RAC1: variants seen among roughly 807,000 people sequenced by gnomAD.
The protein encoded by RAC1 is ras-related C3 botulinum toxin substrate 1.
A neutral mutation model predicts 25.2 loss-of-function variants in RAC1; 2 were observed. The observed-to-expected ratio is 0.08, with a 90% CI of 0.03 to 0.25. RAC1 has a LOEUF of 0.25. Ranked by LOEUF, RAC1 falls within the 10% of genes least tolerant of loss-of-function variation. The probability of loss-of-function intolerance (pLI) is 1.00; values close to 1 mark genes in which losing one functional copy is unlikely to be tolerated. For missense variants in RAC1, 50 were observed against 235.7 expected, an observed-to-expected ratio of 0.21 and a Z score of 5.16; for synonymous variants, 88 against 94.0, an observed-to-expected ratio of 0.94 and a Z score of 0.37.
intron 3 of RAC1, among the ~76,000 whole-genome samples, chr7:6,397,806 G>T (rs1445683119): frequency 6.6e-6 from 1 of 152,122 alleles, no homozygotes; most frequent in Non-Finnish European, 1.5e-5. Context: ...TGGCCAACAT[G>T]GTGAAACCTG....
chr7:6,382,069 C>T (rs908781470), intron 1 of RAC1, among the ~76,000 whole-genome samples: 2 of 152,130 alleles, frequency 1.3e-5, no homozygotes, highest in African/African-American at 4.8e-5. Flanking sequence ...TCTCAGCTCA[C>T]TGCAACCTCT....
intron 2 of RAC1, among the ~76,000 whole-genome samples, chr7:6,390,920 C>T (rs911045453): frequency 2.0e-5 from 3 of 151,990 alleles, no homozygotes; most frequent in Non-Finnish European, 4.4e-5. Context: ...TTCTTGAGAC[C>T]GAGTTTCGCA....
At position 6,387,357 on chromosome 7, in the gene RAC1, T is replaced by C. The variant is rs1438902269; in HGVS notation, c.107+74T>C. ...ATTTCTTTGACCATTTGTTTTGCTG[T>C]AAAGCCATCTTTAATCCTCATATGA... On this transcript the variant is annotated intron_variant, in intron 2 of 5. Coordinates refer to ENST00000348035, the MANE Select transcript of RAC1 (RefSeq NM_006908.5). 2.0e-5 allele frequency: 22 copies of C among 1,098,148 alleles called. No individual in the cohort carries two copies. In the East Asian group the frequency reaches 4.1e-4, roughly 20 times the overall value. The allele number at this position is 1,098,148 out of a possible 1,614,324, so 68.0% of individuals were successfully genotyped here.
rs1240994553 is a variant in RAC1 at position 6,403,001 on chromosome 7, C to T, written c.*555C>T. The T allele has an allele frequency of 1.6e-5, 3 of 192,230 alleles. No homozygotes were observed. Among genetic ancestry groups the T allele is most frequent in the East Asian group, 8.2e-5 (1 of 12,162 alleles). The allele number at this position is 192,230 out of a possible 1,614,324, so 11.9% of individuals were successfully genotyped here. Reference sequence around the variant, plus strand: ...TAACATTGTACTGTAATGGAGTGAGCGTAGCAGCTCAGCTCTTTGGATCAG... The same window carrying T: ...TAACATTGTACTGTAATGGAGTGAGTGTAGCAGCTCAGCTCTTTGGATCAG... On this transcript the variant is annotated 3_prime_UTR_variant, in exon 6 of 6. Transcript: ENST00000348035.
intron 1 of RAC1, among the ~76,000 whole-genome samples, chr7:6,377,946 C>T (rs183241777): frequency 6.6e-6 from 1 of 152,074 alleles, no homozygotes; most frequent in Non-Finnish European, 1.5e-5. Flanking sequence ...TTCATCTGTT[C>T]CTGCTTTGAC....
At chr7:6,383,872 G>A (rs1437568506) in intron 1 of RAC1, among the ~76,000 whole-genome samples, 16 of 126,994 alleles carry the variant, frequency 1.3e-4, no homozygotes, top group Admixed American at 2.0e-4. Context: ...GCGCAATCTC[G>A]GCTCACTGCA....
In RAC1 at chr7:6,397,579, G is replaced by A. The variant is rs187054305; in HGVS notation, c.226-2547G>A. 5.3e-5 allele frequency among the ~76,000 whole-genome samples: 8 copies of A among 152,274 alleles called. No individual in the cohort carries two copies. In the South Asian group the frequency reaches 8.3e-4, roughly 16 times the overall value. ...AGGTGTTGGGATTAGAGGCGTGAGC[G>A]CTTTTCTTAAAAGAGTTCCAGGGTT... On this transcript the variant is annotated intron_variant, in intron 3 of 5. Coordinates refer to ENST00000348035, the MANE Select transcript of RAC1 (RefSeq NM_006908.5).
intron 1 of RAC1, 121 bp from the exon 2 acceptor site, chr7:6,387,091 A>G: frequency 4.9e-6 from 3 of 616,154 alleles, no homozygotes; most frequent in Admixed American, 3.4e-5. Flanking sequence ...CATTTTCTTT[A>G]ATGCTAAGTA....
In RAC1 at chr7:6,382,232, T is replaced by G. The variant is rs775350352; in HGVS notation, c.36-4980T>G. Among the ~76,000 whole-genome samples, 3 of 152,236 alleles carry G rather than the reference T, an allele frequency of 2.0e-5. No homozygotes were observed. The East Asian group carries it at 5.8e-4, about 29-fold the overall frequency. On this transcript the variant is annotated intron_variant, in intron 1 of 5. Transcript: ENST00000348035. ...CTGGTCTCGAACTCCTGGCCTGAAGTGATCCACCCGCCTTGGCCTCTTGCT... is the reference window on the plus strand; with the variant it reads ...CTGGTCTCGAACTCCTGGCCTGAAGGGATCCACCCGCCTTGGCCTCTTGCT...
intron 1 of RAC1, among the ~76,000 whole-genome samples, chr7:6,379,998 T>G (rs1039226156): frequency 6.6e-6 from 1 of 152,196 alleles, no homozygotes; most frequent in Non-Finnish European, 1.5e-5. Context: ...GTTTCACTCT[T>G]TATACAAAGT....
At chr7:6,379,291 GAGA>G (rs1434606479) in intron 1 of RAC1, among the ~76,000 whole-genome samples, 3 of 29,476 alleles carry the variant, frequency 1.0e-4, no homozygotes, top group Non-Finnish European at 2.8e-4. Context: ...TTTTTTTTTT[GAGA>G]AGGAGTTTTC....
At chr7:6,382,118 T>C (rs1446455740) in intron 1 of RAC1, among the ~76,000 whole-genome samples, 1 of 152,064 alleles carries the variant, frequency 6.6e-6, no homozygotes, top group Non-Finnish European at 1.5e-5. Context: ...CTCAGCCTCC[T>C]GAGTAGCTGG....
chr7:6,392,024 C>T lies in RAC1; in HGVS notation c.208C>T (p.Leu70=), dbSNP rs1783105454. The T allele has an allele frequency of 3.1e-6, 5 of 1,614,190 alleles. No homozygotes were observed. The highest frequency in any genetic ancestry group is 4.2e-6 in the Non-Finnish European group (5 of 1,180,028). ...AGAAGATTATGACAGATTACGCCCC[C>T]TATCCTATCCGCAAACAGTAAGGAT... ...GQEDYDRLRP[L]SYPQTDVFLI... Residue 70 remains leucine, a synonymous_variant, in exon 3 of 6, where the codon CTA becomes TTA. Transcript: ENST00000348035.
intron 1 of RAC1, among the ~76,000 whole-genome samples, chr7:6,378,864 G>C (rs1487174139): frequency 1.3e-5 from 2 of 152,178 alleles, no homozygotes; most frequent in African/African-American, 4.8e-5. Flanking sequence ...AAGGCAGGCG[G>C]ATTGCCTGAA....
chr7:6,391,007 T>C (rs1783077038), intron 2 of RAC1, among the ~76,000 whole-genome samples: 1 of 152,026 alleles, frequency 6.6e-6, no homozygotes, highest in African/African-American at 2.4e-5. Flanking sequence ...AGCGATTCTC[T>C]TGCCTCAGCC....
At chr7:6,398,789 G>A in intron 3 of RAC1, 1 of 1,441,550 alleles carries the variant, frequency 6.9e-7, no homozygotes, top group Admixed American at 1.8e-5. Context: ...GTTTTCCTAG[G>A]ATTTTTTATT....
rs34847745 is a variant in RAC1 at position 6,383,784 on chromosome 7, CTTTTTTTTTTTTTTTTTTTTTT to C, written c.36-3414_36-3393del. Among the ~76,000 whole-genome samples, 7 of 39,802 alleles carry C rather than the reference CTTTTTTTTTTTTTTTTTTTTTT, an allele frequency of 1.8e-4. No homozygotes were observed. The East Asian group carries it at 6.3e-3, about 36-fold the overall frequency. The allele number at this position is 39,802 out of a possible 152,430, so 26.1% of individuals were successfully genotyped here. On this transcript the variant is annotated intron_variant, in intron 1 of 5. Transcript: ENST00000348035. ...GTTAAGGTTTTTACACAACCTTTAT[CTTTTTTTTTTTTTTTTTTTTTT>C]TTTTTTTTTTTTTGAGACGGAGTTT...
intron 3 of RAC1, 90 bp downstream of exon 3, chr7:6,392,131 T>C: frequency 1.3e-6 from 2 of 1,585,068 alleles, no homozygotes; most frequent in Non-Finnish European, 1.7e-6. Context: ...GACTTGCTTA[T>C]ATTGCCATCA....
intron 5 of RAC1, 100 bp from the exon 6 acceptor site, chr7:6,402,216 G>T (rs956139867): frequency 6.6e-7 from 1 of 1,503,772 alleles, no homozygotes; most frequent in Non-Finnish European, 8.9e-7. Flanking sequence ...CTGGGAGCCG[G>T]CAGAAGGCGC....
Sources: gnomAD v4.1 joint callset for allele counts (sites outside exome capture counted in the v4.1 genomes callset) on GRCh38, gnomAD v4.1.1 for gene constraint, MANE v1.5 for transcripts, NCBI Gene and HGNC (gene_info 2026-07-23, HGNC 2026-07-21) for gene names.